The following NEBL variants were observed in gnomAD, a reference collection of about 807,000 sequenced individuals.
NEBL encodes the protein nebulette.
A neutral mutation model predicts 140.2 loss-of-function variants in NEBL; 122 were observed. The ratio of observed to expected loss-of-function variants is 0.87; its 90% CI spans 0.75 to 1.01. The LOEUF is 1.01. Among genes scored for constraint, NEBL ranks in the 50% least tolerant of loss-of-function variants. The pLI is 0.00. For synonymous variants in NEBL, 436 were observed against 398.9 expected (o/e 1.09, Z -1.11); for missense variants, 1,365 against 1,231.3 (o/e 1.11, Z -1.62).
intron 3 of NEBL, among the ~76,000 whole-genome samples, chr10:21,240,946 A>ACACACACACACACAC (rs61320302): frequency 2.7e-5 from 4 of 150,364 alleles, no homozygotes; most frequent in Non-Finnish European, 4.4e-5. Flanking sequence ...ACACACACAC[A>ACACACACACACACAC]AAACCAGTAT....
chr10:21,012,615 C>T (rs934488733), intron 3 of NEBL, among the ~76,000 whole-genome samples: 1 of 152,120 alleles, frequency 6.6e-6, no homozygotes, highest in African/African-American at 2.4e-5. Context: ...TCAAGTGATC[C>T]TCCTGCTTCA....
intron 9 of NEBL, among the ~76,000 whole-genome samples, chr10:20,857,506 G>A (rs1252248105): frequency 6.6e-6 from 1 of 152,130 alleles, no homozygotes; most frequent in South Asian, 2.1e-4. Flanking sequence ...AAATAGGTAT[G>A]GAAATAACTT....
chr10:20,800,305 CT>C (rs1304060203), intron 26 of NEBL, among the ~76,000 whole-genome samples: 1 of 151,996 alleles, frequency 6.6e-6, no homozygotes, highest in Non-Finnish European at 1.5e-5. Flanking sequence ...GCAGGGTCTC[CT>C]TTTTAAAGGC....
chr10:21,043,690 C>T (rs1021926344), intron 2 of NEBL, among the ~76,000 whole-genome samples: 1 of 152,128 alleles, frequency 6.6e-6, no homozygotes, highest in Admixed American at 6.5e-5. Context: ...GTAACTGTCA[C>T]TCCCCAGCAA....
intron 2 of NEBL, among the ~76,000 whole-genome samples, chr10:21,145,862 A>G (rs767153026): frequency 6.6e-6 from 1 of 152,146 alleles, no homozygotes; most frequent in Non-Finnish European, 1.5e-5. Context: ...GGACTGACTG[A>G]ATCTTCTTTT....
At chr10:21,005,620 G>A (rs1473759868) in intron 3 of NEBL, among the ~76,000 whole-genome samples, 6 of 152,180 alleles carry the variant, frequency 3.9e-5, no homozygotes, top group Admixed American at 2.0e-4. Context: ...TGTGATCCCC[G>A]CTACTCGGGA....
In NEBL at chr10:20,889,879, T is replaced by G. The variant is rs1425413386; in HGVS notation, c.224A>C (p.Asn75Thr). 2 of 1,612,854 alleles carry G rather than the reference T, an allele frequency of 1.2e-6. No homozygotes were observed. The highest frequency in any genetic ancestry group is 1.7e-6 in the Non-Finnish European group (2 of 1,179,086). The change falls in exon 3 of 28, where the codon AAC becomes ACC. Residue 75 changes from asparagine to threonine, a missense_variant. Around this residue, in one of 2 missense-constraint regions of NEBL, gnomAD observed 1,323 missense variants for 1,154.8 expected, o/e 1.15. Coordinates refer to ENST00000377122, the MANE Select transcript of NEBL (RefSeq NM_006393.3). ...CTFVTDSPML[N>T]HVKNIGAFIS... ...AAAAGCACCGATATTTTTTACATGG[T>G]TTAGCATAGGACTGTCAGTCACAAA...
chr10:21,027,450 C>A (rs772558800), intron 2 of NEBL, among the ~76,000 whole-genome samples: 2 of 151,906 alleles, frequency 1.3e-5, no homozygotes, highest in Non-Finnish European at 2.9e-5. Context: ...ATCTCAGCCT[C>A]CTGAGTAGCT....
chr10:21,005,775 T>G (rs1838113226), intron 3 of NEBL, among the ~76,000 whole-genome samples: 1 of 151,932 alleles, frequency 6.6e-6, no homozygotes, highest in African/African-American at 2.4e-5. Flanking sequence ...ATTTTATTTA[T>G]TTTTACATCT....
chr10:20,944,511 G>T (rs191744807), intron 4 of NEBL, among the ~76,000 whole-genome samples: 1 of 152,324 alleles, frequency 6.6e-6, no homozygotes, highest in East Asian at 1.9e-4. Flanking sequence ...TTCTGTGTTT[G>T]CATGAGAACT....
At chr10:20,988,045 T>C (rs1379846788) in intron 3 of NEBL, among the ~76,000 whole-genome samples, 2 of 152,240 alleles carry the variant, frequency 1.3e-5, no homozygotes, top group East Asian at 3.8e-4. Flanking sequence ...TGGTTCAATG[T>C]AACACCAATC....
At chr10:20,887,768 A>G (rs558852775) in intron 4 of NEBL, among the ~76,000 whole-genome samples, 2 of 152,280 alleles carry the variant, frequency 1.3e-5, no homozygotes, top group East Asian at 1.9e-4. Context: ...TTCTCTACTT[A>G]GGGATCATAT....
At chr10:20,805,659 C>G (rs1299089430) in intron 26 of NEBL, among the ~76,000 whole-genome samples, 2 of 152,020 alleles carry the variant, frequency 1.3e-5, no homozygotes, top group East Asian at 3.9e-4. Flanking sequence ...TCAAGACCAG[C>G]CTGGCCAACA....
chr10:21,195,001 A>C (rs1471808860), intron 3 of NEBL, among the ~76,000 whole-genome samples: 2 of 152,148 alleles, frequency 1.3e-5, no homozygotes, highest in African/African-American at 4.8e-5. Context: ...GCCAGACTGG[A>C]TAGAGAGAAC....
intron 4 of NEBL, among the ~76,000 whole-genome samples, chr10:20,923,666 CAAAAAAAAAAAAAAA>C (rs71390799): frequency 1.1e-4 from 3 of 28,362 alleles, no homozygotes; most frequent in South Asian, 2.3e-3. Context: ...GACTCCGTCT[CAAAAAAAAAAAAAAA>C]AAAAAAAAAA....
chr10:20,877,280 A>G (rs180783780), intron 5 of NEBL, among the ~76,000 whole-genome samples: 47 of 152,314 alleles, frequency 3.1e-4, no homozygotes, highest in African/African-American at 1.1e-3. Flanking sequence ...AGATGAGAAA[A>G]TGGAGATTTA....
chr10:20,921,259 C>G (rs566819112), intron 4 of NEBL, among the ~76,000 whole-genome samples: 2 of 152,148 alleles, frequency 1.3e-5, no homozygotes, highest in African/African-American at 4.8e-5. Context: ...CACACACACA[C>G]GCACCTACCT....
At chr10:20,892,508 T>G (rs1847113807) in intron 2 of NEBL, among the ~76,000 whole-genome samples, 1 of 152,206 alleles carries the variant, frequency 6.6e-6, no homozygotes, top group Non-Finnish European at 1.5e-5. Flanking sequence ...AACAAAAACC[T>G]ACTTGTTAAG....
At chr10:21,137,327 C>A (rs1388881215) in intron 2 of NEBL, among the ~76,000 whole-genome samples, 1 of 152,196 alleles carries the variant, frequency 6.6e-6, no homozygotes, top group Non-Finnish European at 1.5e-5. Flanking sequence ...TCCATCCAAA[C>A]AACTGCGGTA....
Sources: allele counts gnomAD v4.1 joint callset (sites outside exome capture counted in the v4.1 genomes callset), GRCh38; gene constraint gnomAD v4.1.1; regional missense constraint gnomAD v4.1.1; transcripts MANE v1.5; gene names NCBI Gene and HGNC (gene_info 2026-07-23, HGNC 2026-07-21).